FGD1: variants seen among roughly 807,000 people sequenced by gnomAD.
The protein encoded by FGD1 is FYVE, RhoGEF and PH domain containing 1.
A neutral mutation model predicts 65.0 loss-of-function variants in FGD1; 12 were observed. That is an observed-to-expected ratio of 0.18 (90% CI 0.12 to 0.30). The LOEUF (loss-of-function observed/expected upper bound fraction) is 0.30. Ranked by LOEUF, FGD1 falls within the 10% of genes least tolerant of loss-of-function variation. The probability of loss-of-function intolerance (pLI) is 1.00; values close to 1 mark genes in which losing one functional copy is unlikely to be tolerated. For synonymous variants in FGD1, 333 were observed against 343.9 expected, an observed-to-expected ratio of 0.97 and a Z score of 0.35; for missense variants, 542 against 837.6, an observed-to-expected ratio of 0.65 and a Z score of 4.36.
rs145415553 is a variant in FGD1, at chrX:54,452,575, G to A, written c.2016-2274C>T. Among the ~76,000 whole-genome samples the A allele has an allele frequency of 5.6e-3, 618 of 109,816 alleles. 4 individuals carry two copies. The highest frequency in any genetic ancestry group is 0.019 in the Middle Eastern group (4 of 214). On this transcript the variant is annotated intron_variant, in intron 12 of 17. Transcript: ENST00000375135. Reference sequence around the variant, plus strand: ...AGCCTGGCCAATATGGCGAAACCCCGTCTCTACTAAAAATGCAAAAATTAG... The same window carrying A: ...AGCCTGGCCAATATGGCGAAACCCCATCTCTACTAAAAATGCAAAAATTAG...
rs767047811 is a variant in FGD1, at chrX:54,487,968, A to C, written c.307+7158T>G. Among the ~76,000 whole-genome samples, 10 of 104,457 alleles carry C rather than the reference A, an allele frequency of 9.6e-5. No homozygotes were observed. The East Asian group carries it at 1.5e-3, about 16-fold the overall frequency. 90.7% of individuals were successfully genotyped at this position (104,457 alleles called of 115,157 possible). A position where few individuals can be genotyped will look rare whatever the true frequency, so the allele number is the denominator to read the frequency against. On this transcript the variant is annotated intron_variant, in intron 1 of 17. Transcript: ENST00000375135. Reference sequence around the variant, plus strand: ...CCGTCTGAAAAAACCAACCAAACAAACAAACAAACAAAAAAACCAAACCAC... The same window carrying C: ...CCGTCTGAAAAAACCAACCAAACAACCAAACAAACAAAAAAACCAAACCAC...
intron 1 of FGD1, among the ~76,000 whole-genome samples, chrX:54,474,628 C>T (rs1245690076): frequency 8.8e-6 from 1 of 113,177 alleles, no homozygotes; most frequent in Non-Finnish European, 1.9e-5. Flanking sequence ...TGCCGCTTAC[C>T]CTGCCCTGCT....
chrX:54,494,235 T>C (rs1470565533), intron 1 of FGD1, among the ~76,000 whole-genome samples: 1 of 110,871 alleles, frequency 9.0e-6, no homozygotes, highest in Non-Finnish European at 1.9e-5. Flanking sequence ...TGTTGGCTTT[T>C]CTGCTGTCTC....
In FGD1 at chrX:54,449,689, C is replaced by A; in HGVS notation, c.2118G>T (p.Arg706Ser). 8.3e-7 allele frequency: 1 copy of A among 1,207,037 alleles called. No homozygotes were observed. The highest frequency in any genetic ancestry group is 1.1e-6 in the Non-Finnish European group (1 of 892,066). The change falls in exon 14 of 18, where the codon AGG (arginine) becomes AGT (serine). Residue 706 changes from arginine (R) to serine (S), a missense_variant. By Grantham distance (110) the Arg-to-Ser change is moderately radical (BLOSUM62 -1). Transcript: ENST00000375135. ...ETFKLLNSTN[R>S]EDEDTPPNSP... Reference sequence around the variant, plus strand: ...AGTTGGGTGGGGTGTCTTCATCTTCCCTGTTTGTTGAGTTCAACAGTTTGA... The same window carrying A: ...AGTTGGGTGGGGTGTCTTCATCTTCACTGTTTGTTGAGTTCAACAGTTTGA...
chrX:54,487,342 C>T (rs1201018354), intron 1 of FGD1, among the ~76,000 whole-genome samples: 1 of 112,177 alleles, frequency 8.9e-6, no homozygotes, highest in Non-Finnish European at 1.9e-5. Context: ...GGGACTGGCT[C>T]CCAGATCTAT....
chrX:54,495,886 A>G lies in FGD1; in HGVS notation c.-454T>C, dbSNP rs1308894910. The stretch of plus-strand genomic sequence containing the variant: ...GTCTCTTCTTTCTCCCCGAATGGGA[A>G]TAGATCTGGGCTCTCCTGGCTGGTT... On this transcript the variant is annotated 5_prime_UTR_variant, in exon 1 of 18. Transcript: ENST00000375135. 9.0e-6 allele frequency: 1 copy of G among 111,410 alleles called. No individual in the cohort carries two copies. Among genetic ancestry groups the G allele is most frequent in the East Asian group, 2.9e-4 (1 of 3,410 alleles). 9.2% of individuals were successfully genotyped at this position (111,410 alleles called of 1,213,427 possible). A position where few individuals can be genotyped will look rare whatever the true frequency, so the allele number is the denominator to read the frequency against.
At chrX:54,462,899 G>T (rs772142775) in intron 8 of FGD1, among the ~76,000 whole-genome samples, 1 of 108,487 alleles carries the variant, frequency 9.2e-6, no homozygotes, top group Non-Finnish European at 1.9e-5. Flanking sequence ...TGACTAGCTG[G>T]AATTACAGGC....
At chrX:54,464,451 T>C (rs1346479952) in intron 8 of FGD1, among the ~76,000 whole-genome samples, 1 of 111,740 alleles carries the variant, frequency 8.9e-6, no homozygotes, top group Non-Finnish European at 1.9e-5. Context: ...GTGTTTATTA[T>C]TTTTGTTTAC....
intron 12 of FGD1, among the ~76,000 whole-genome samples, chrX:54,452,707 C>G (rs982970201): frequency 4.5e-5 from 5 of 111,501 alleles, no homozygotes; most frequent in African/African-American, 1.6e-4. Context: ...GATGGCGCCA[C>G]TGCACTCTGG....
chrX:54,470,511 C>G (rs1268262860), intron 3 of FGD1, 54 bp from the exon 4 acceptor site: 22 of 1,171,917 alleles, frequency 1.9e-5, no homozygotes, highest in Non-Finnish European at 2.4e-5. Flanking sequence ...GACTGAGAGG[C>G]CTCTCCTGAC....
At chrX:54,486,671 G>A (rs1446191703) in intron 1 of FGD1, among the ~76,000 whole-genome samples, 1 of 106,549 alleles carries the variant, frequency 9.4e-6, no homozygotes, top group Non-Finnish European at 1.9e-5. Flanking sequence ...GTGTGCCACC[G>A]TGCCCGGTCG....
At chrX:54,476,702 C>T (rs1311380490) in intron 1 of FGD1, among the ~76,000 whole-genome samples, 1 of 110,230 alleles carries the variant, frequency 9.1e-6, no homozygotes, top group Non-Finnish European at 1.9e-5. Flanking sequence ...CACACCCACA[C>T]CCACACCTCC....
chrX:54,488,572 G>A (rs1275546663), intron 1 of FGD1, among the ~76,000 whole-genome samples: 7 of 111,304 alleles, frequency 6.3e-5, no homozygotes, highest in African/African-American at 2.0e-4. Context: ...GTGACAGAGC[G>A]AGACTCCATC....
chrX:54,461,987 C>A (rs1162925439), intron 8 of FGD1, among the ~76,000 whole-genome samples: 1 of 111,253 alleles, frequency 9.0e-6, no homozygotes, highest in Non-Finnish European at 1.9e-5. Context: ...ACTCTCAGGG[C>A]TCAGTGTGGG....
intron 1 of FGD1, among the ~76,000 whole-genome samples, chrX:54,472,965 C>T (rs769349955): frequency 6.3e-5 from 7 of 111,525 alleles, no homozygotes; most frequent in Non-Finnish European, 1.1e-4. Context: ...TGACTAGTCA[C>T]AAATGGGCCC....
Position 54,495,588 on chromosome X carries a change from C to T in FGD1, c.-156G>A, listed in dbSNP as rs1923519503. 3.5e-6 allele frequency: 1 copy of T among 283,017 alleles called. No homozygotes were observed. Among genetic ancestry groups the T allele is most frequent in the Non-Finnish European group, 5.8e-6 (1 of 173,397 alleles). The allele number at this position is 283,017 out of a possible 1,213,427, so 23.3% of individuals were successfully genotyped here. A position where few individuals can be genotyped will look rare whatever the true frequency, so the allele number is the denominator to read the frequency against. On this transcript the variant is annotated 5_prime_UTR_variant, in exon 1 of 18. The change creates a premature stop within an existing upstream ORF in the 5' untranslated region. Coordinates refer to ENST00000375135, the MANE Select transcript of FGD1 (RefSeq NM_004463.3). The stretch of plus-strand genomic sequence containing the variant: ...GCCCCACTGCAGAGACTCAAGCCCC[C>T]AGCCCGGGCCCGGGCCAGCAGCCGT...
chrX:54,474,640 A>G (rs1922977442), intron 1 of FGD1, among the ~76,000 whole-genome samples: 1 of 112,907 alleles, frequency 8.9e-6, no homozygotes, highest in Admixed American at 9.3e-5. Flanking sequence ...TGCCCTGCTC[A>G]GCACATCCTG....
At chrX:54,488,061 C>T (rs1923321756) in intron 1 of FGD1, among the ~76,000 whole-genome samples, 1 of 106,519 alleles carries the variant, frequency 9.4e-6, no homozygotes, top group Non-Finnish European at 1.9e-5. Flanking sequence ...GTCAGGAGTT[C>T]AAGACCAGCC....
rs1367580810 is a variant in FGD1 at position 54,495,344 on chromosome X, C to A, written c.89G>T (p.Cys30Phe). 1 of 1,159,796 alleles carries A rather than the reference C, an allele frequency of 8.6e-7. No homozygotes were observed. Among genetic ancestry groups the A allele is most frequent in the Admixed American group, 2.6e-5 (1 of 38,875 alleles). Residue 30 changes from cysteine to phenylalanine, a missense_variant, in exon 1 of 18, where the codon TGT becomes TTT. Cys to Phe is a radical substitution (Grantham distance 205). This residue lies in a region of FGD1 where 297 missense variants were observed against 326.8 expected (regional missense o/e 0.91). Transcript: ENST00000375135. Reference protein sequence around the residue: ...TNPPGAAPPACADSDPGASEP... With the variant: ...TNPPGAAPPAFADSDPGASEP... ...CGAGGCTCCAGGGTCCGAGTCGGCA[C>A]AGGCCGGCGGAGCGGCGCCCGGCGG...
Sources: gnomAD v4.1 joint callset for allele counts (sites outside exome capture counted in the v4.1 genomes callset) on GRCh38, gnomAD v4.1.1 for gene constraint, gnomAD v4.1.1 regional missense constraint, MANE v1.5 for transcripts, NCBI Gene and HGNC (gene_info 2026-07-23, HGNC 2026-07-21) for gene names.